Variants in CNTNAP2 observed in about 807,000 individuals in gnomAD.
CNTNAP2 encodes the protein contactin-associated protein-like 2.
In CNTNAP2, 98 loss-of-function variants were observed where a neutral mutation model predicts 155.2. The observed-to-expected ratio is 0.63, with a 90% CI of 0.54 to 0.75. The LOEUF (loss-of-function observed/expected upper bound fraction) is 0.75, where lower values mean the gene tolerates loss of function less well. Ranked by LOEUF, CNTNAP2 falls within the 30% of genes least tolerant of loss-of-function variation. CNTNAP2 has a pLI of 0.00. For missense variants in CNTNAP2, 1,727 were observed against 1,688.1 expected (o/e 1.02, Z -0.40); for synonymous variants, 651 against 631.2 (o/e 1.03, Z -0.47).
intron 9 of CNTNAP2, among the ~76,000 whole-genome samples, chr7:147,331,329 G>A (rs140588517): frequency 1.1e-4 from 17 of 152,202 alleles, no homozygotes; most frequent in African/African-American, 4.1e-4. Context: ...ACTTAGAATG[G>A]CAAAAAGAAG....
intron 15 of CNTNAP2, among the ~76,000 whole-genome samples, chr7:148,004,948 A>G (rs1350363141): frequency 6.6e-6 from 1 of 152,212 alleles, no homozygotes; most frequent in Non-Finnish European, 1.5e-5. Context: ...AAAGTAAATC[A>G]AGGTGCTGAA....
intron 1 of CNTNAP2, among the ~76,000 whole-genome samples, chr7:146,259,004 A>C (rs1799880972): frequency 6.6e-6 from 1 of 152,054 alleles, no homozygotes; most frequent in African/African-American, 2.4e-5. Flanking sequence ...TGGATCTTGG[A>C]GGTGGTTTCC....
chr7:148,094,463 T>G (rs1803920747), intron 15 of CNTNAP2, among the ~76,000 whole-genome samples: 1 of 152,176 alleles, frequency 6.6e-6, no homozygotes, highest in Non-Finnish European at 1.5e-5. Flanking sequence ...ATTTGTGATG[T>G]GTGTTGCTAA....
At chr7:147,979,903 G>A (rs565524903) in intron 15 of CNTNAP2, among the ~76,000 whole-genome samples, 93 of 152,240 alleles carry the variant, frequency 6.1e-4, no homozygotes, top group African/African-American at 2.1e-3. Flanking sequence ...GATTACAGGT[G>A]TGAGCCACTG....
At chr7:148,207,298 C>T (rs912071394) in intron 18 of CNTNAP2, among the ~76,000 whole-genome samples, 32 of 152,150 alleles carry the variant, frequency 2.1e-4, no homozygotes, top group Non-Finnish European at 3.5e-4. Flanking sequence ...AGTAGTCGGG[C>T]AGGAGAGGGA....
chr7:146,489,095 GC>G (rs1423911192), intron 1 of CNTNAP2, among the ~76,000 whole-genome samples: 3 of 152,144 alleles, frequency 2.0e-5, no homozygotes, highest in African/African-American at 7.2e-5. Context: ...GCAGTTTGGG[GC>G]CATTTCCCAA....
At chr7:147,002,437 A>G (rs1798442330) in intron 3 of CNTNAP2, among the ~76,000 whole-genome samples, 1 of 152,090 alleles carries the variant, frequency 6.6e-6, no homozygotes, top group African/African-American at 2.4e-5. Flanking sequence ...AGAATTCTGA[A>G]GGAGATTATC....
intron 21 of CNTNAP2, among the ~76,000 whole-genome samples, chr7:148,305,858 C>T (rs1797482087): frequency 6.6e-6 from 1 of 152,140 alleles, no homozygotes; most frequent in African/African-American, 2.4e-5. Flanking sequence ...AGCCGTATCA[C>T]CATCCTTGCA....
At chr7:147,767,023 T>A (rs1180580820) in intron 13 of CNTNAP2, among the ~76,000 whole-genome samples, 1 of 152,110 alleles carries the variant, frequency 6.6e-6, no homozygotes, top group Non-Finnish European at 1.5e-5. Context: ...CATTATTTAC[T>A]CCCTATTGAC....
chr7:146,191,657 C>A (rs974649912), intron 1 of CNTNAP2, among the ~76,000 whole-genome samples: 1 of 152,062 alleles, frequency 6.6e-6, no homozygotes, highest in Non-Finnish European at 1.5e-5. Context: ...GAGACCTACC[C>A]CTGGGAATGC....
chr7:146,649,142 A>G (rs1393420930), intron 1 of CNTNAP2, among the ~76,000 whole-genome samples: 1 of 152,128 alleles, frequency 6.6e-6, no homozygotes, highest in Admixed American at 6.6e-5. Context: ...ATGGTTTTAG[A>G]TAATCATTTG....
intron 12 of CNTNAP2, among the ~76,000 whole-genome samples, chr7:147,617,996 ATAGT>A (rs1227129961): frequency 6.6e-6 from 1 of 152,180 alleles, no homozygotes; most frequent in African/African-American, 2.4e-5. Context: ...CATCTTTCTT[ATAGT>A]TAGTGTTCAA....
intron 21 of CNTNAP2, among the ~76,000 whole-genome samples, chr7:148,283,260 AAAG>A (rs374914155): frequency 0.15 from 6,575 of 42,960 alleles, 396 homozygotes; most frequent in South Asian, 0.23. Flanking sequence ...AAAAAAAAAG[AAAG>A]AAAGAAAGAA....
chr7:146,387,697 G>A (rs1213185756), intron 1 of CNTNAP2, among the ~76,000 whole-genome samples: 3 of 152,036 alleles, frequency 2.0e-5, no homozygotes, highest in Non-Finnish European at 4.4e-5. Flanking sequence ...TTTCCACCTT[G>A]TTCTTTGGCA....
intron 2 of CNTNAP2, among the ~76,000 whole-genome samples, chr7:146,811,849 G>A (rs1803072629): frequency 6.6e-6 from 1 of 152,110 alleles, no homozygotes; most frequent in Non-Finnish European, 1.5e-5. Flanking sequence ...TTTTACAAGA[G>A]GCTTTTTTCT....
chr7:147,928,640 G>T (rs1475363978), intron 14 of CNTNAP2, among the ~76,000 whole-genome samples: 2 of 152,054 alleles, frequency 1.3e-5, no homozygotes, highest in Non-Finnish European at 2.9e-5. Flanking sequence ...TATAAATGTA[G>T]GTCGTGTTTC....
chr7:146,884,561 G>A (rs1325988028), intron 3 of CNTNAP2, among the ~76,000 whole-genome samples: 2 of 152,070 alleles, frequency 1.3e-5, no homozygotes, highest in Admixed American at 1.3e-4. Flanking sequence ...TTCTAAGCAT[G>A]GAGAGTACAA....
chr7:146,753,608 C>A (rs77878698), intron 1 of CNTNAP2, among the ~76,000 whole-genome samples: 1 of 151,942 alleles, frequency 6.6e-6, no homozygotes, highest in African/African-American at 2.4e-5. Flanking sequence ...ATCTCATGTA[C>A]GTTACCAAAG....
chr7:146,470,969 T>C (rs2129126606), intron 1 of CNTNAP2, among the ~76,000 whole-genome samples: 1 of 152,268 alleles, frequency 6.6e-6, no homozygotes, highest in Non-Finnish European at 1.5e-5. Flanking sequence ...TAAAAAGTCT[T>C]CCTACCTTTG....
Sources: gnomAD v4.1 joint callset for allele counts (sites outside exome capture counted in the v4.1 genomes callset) on GRCh38, gnomAD v4.1.1 for gene constraint, MANE v1.5 for transcripts, NCBI Gene and HGNC (gene_info 2026-07-23, HGNC 2026-07-21) for gene names.